The following PTH2R variants were observed in gnomAD, a reference collection of about 807,000 sequenced individuals.
PTH2R encodes parathyroid hormone 2 receptor.
A neutral mutation model predicts 60.3 loss-of-function variants in PTH2R; 59 were observed. That is an observed-to-expected ratio of 0.98 (90% confidence interval 0.79 to 1.22). The LOEUF (loss-of-function observed/expected upper bound fraction) is 1.22, where lower values mean the gene tolerates loss of function less well. PTH2R is among the 50% of genes most tolerant of loss of function. PTH2R has a pLI of 0.00. For synonymous variants in PTH2R, 256 were observed against 243.8 expected, an observed-to-expected ratio of 1.05 and a Z score of -0.47; for missense variants, 749 against 682.6, an observed-to-expected ratio of 1.10 and a Z score of -1.08.
intron 7 of PTH2R, among the ~76,000 whole-genome samples, chr2:208,445,461 G>C (rs538770570): frequency 6.6e-6 from 1 of 152,264 alleles, no homozygotes; most frequent in East Asian, 1.9e-4. Flanking sequence ...AAATGATTTA[G>C]CAGTACAAGG....
Position 208,450,925 on chromosome 2 carries a change from CA to C in PTH2R, c.914+118del. The C allele has an allele frequency of 2.6e-6, 3 of 1,145,894 alleles. No homozygotes were observed. In the South Asian group the frequency reaches 3.9e-5, roughly 15 times the overall value. The allele number at this position is 1,145,894 out of a possible 1,614,324, so 71.0% of individuals were successfully genotyped here. A position where few individuals can be genotyped will look rare whatever the true frequency, so the allele number is the denominator to read the frequency against. On this transcript the variant is annotated intron_variant, in intron 8 of 12. Coordinates refer to ENST00000272847, the MANE Select transcript of PTH2R (RefSeq NM_005048.4). The stretch of plus-strand genomic sequence containing the variant: ...ATGCCATTGCTTTTTAGGGATGCCA[CA>C]AGGAAAATTACCTTGATGCGATGGT...
chr2:208,373,302 T>C (rs1214084504), intron 1 of PTH2R, among the ~76,000 whole-genome samples: 1 of 152,110 alleles, frequency 6.6e-6, no homozygotes, highest in Non-Finnish European at 1.5e-5. Flanking sequence ...TTTTTCTTTT[T>C]GTAAATCTTT....
intron 1 of PTH2R, among the ~76,000 whole-genome samples, chr2:208,426,118 A>T (rs1042872293): frequency 1.3e-5 from 2 of 152,234 alleles, no homozygotes; most frequent in African/African-American, 4.8e-5. Context: ...TGGGTTAATT[A>T]TGAAGATTTT....
At chr2:208,407,211 C>T in intron 1 of PTH2R, 93 bp downstream of exon 1, 1 of 1,128,648 alleles carries the variant, frequency 8.9e-7, no homozygotes, top group Non-Finnish European at 1.2e-6. Context: ...CGCGAGAGCT[C>T]ATTCATGTTC....
At chr2:208,372,530 C>T (rs1700720668) in intron 1 of PTH2R, among the ~76,000 whole-genome samples, 1 of 151,970 alleles carries the variant, frequency 6.6e-6, no homozygotes, top group East Asian at 1.9e-4. Context: ...CAAGTAGGTA[C>T]ATTTTTAGAA....
chr2:208,440,043 A>T (rs1217306966), intron 4 of PTH2R, among the ~76,000 whole-genome samples: 6 of 152,238 alleles, frequency 3.9e-5, no homozygotes, highest in Admixed American at 2.6e-4. Flanking sequence ...TTGGGCAATT[A>T]TTTTGTCACA....
chr2:208,450,649 C>G (rs1204041850), intron 7 of PTH2R, 100 bp from the exon 8 acceptor site: 25 of 1,181,318 alleles, frequency 2.1e-5, no homozygotes, highest in Non-Finnish European at 2.2e-5. Context: ...ATTTTTATCT[C>G]TGAACAGCTA....
chr2:208,482,225 G>A (rs1703169048), intron 10 of PTH2R, among the ~76,000 whole-genome samples: 1 of 152,130 alleles, frequency 6.6e-6, no homozygotes, highest in South Asian at 2.1e-4. Context: ...TAGTTATTGT[G>A]GGATCTGGCC....
chr2:208,434,479 A>G (rs1176203922), intron 2 of PTH2R, among the ~76,000 whole-genome samples: 1 of 152,164 alleles, frequency 6.6e-6, no homozygotes, highest in Non-Finnish European at 1.5e-5. Flanking sequence ...GTGAAGCAGT[A>G]TCTTGCAGGG....
At chr2:208,374,043 A>T (rs1252682055) in intron 1 of PTH2R, among the ~76,000 whole-genome samples, 4 of 151,930 alleles carry the variant, frequency 2.6e-5, no homozygotes, top group Non-Finnish European at 5.9e-5. Context: ...TACTGCATAT[A>T]GGAATAGCCC....
chr2:208,363,894 T>A (rs1428883403), intron 1 of PTH2R, among the ~76,000 whole-genome samples: 1 of 152,204 alleles, frequency 6.6e-6, no homozygotes, highest in Non-Finnish European at 1.5e-5. Context: ...TTAAGTTTCA[T>A]GTAGATTCTG....
At chr2:208,448,655 C>G (rs1173699363) in intron 7 of PTH2R, among the ~76,000 whole-genome samples, 1 of 148,402 alleles carries the variant, frequency 6.7e-6, no homozygotes, top group Non-Finnish European at 1.5e-5. Flanking sequence ...GAAAATAACT[C>G]AACTTTCAGT....
chr2:208,428,219 A>G lies in PTH2R; in HGVS notation c.94A>G (p.Ile32Val), dbSNP rs1044045507. ...TCTACAGCTGGATTCTGATGGCACC[A>G]TTACTATAGAGGAGCAGATTGTCCT... ...ARAQLDSDGTITIEEQIVLVL... is the reference protein window; with the variant it reads ...ARAQLDSDGTVTIEEQIVLVL... Residue 32 changes from isoleucine to valine, a missense_variant, in exon 2 of 13, where the codon ATT (isoleucine) becomes GTT (valine). Physicochemically the swap from Ile to Val is conservative, Grantham distance 29. Coordinates refer to ENST00000272847, the MANE Select transcript of PTH2R (RefSeq NM_005048.4). 5 of 1,612,646 alleles carry G rather than the reference A, an allele frequency of 3.1e-6. No homozygotes were observed. In the South Asian group the frequency reaches 5.5e-5, roughly 18 times the overall value.
chr2:208,408,098 A>T (rs1177241825), intron 1 of PTH2R, among the ~76,000 whole-genome samples: 1 of 152,214 alleles, frequency 6.6e-6, no homozygotes, highest in Non-Finnish European at 1.5e-5. Flanking sequence ...ATTAAAACTT[A>T]AAGGGGATTT....
upstream of PTH2R, among the ~76,000 whole-genome samples, chr2:208,403,993 T>C (rs926732727): frequency 2.0e-5 from 3 of 152,144 alleles, no homozygotes; most frequent in Admixed American, 1.3e-4. Context: ...ATTCTATAGG[T>C]CAAGCAGTCA....
At chr2:208,371,726 A>G (rs1028557457) in intron 1 of PTH2R, among the ~76,000 whole-genome samples, 2 of 152,048 alleles carry the variant, frequency 1.3e-5, no homozygotes, top group Non-Finnish European at 2.9e-5. Context: ...GGGGACTTTC[A>G]CTGGATGAGA....
intron 1 of PTH2R, among the ~76,000 whole-genome samples, chr2:208,390,170 G>A (rs1450128440): frequency 6.6e-6 from 1 of 152,176 alleles, no homozygotes; most frequent in African/African-American, 2.4e-5. Flanking sequence ...CAATATCTGA[G>A]ATCTCCCAAG....
At chr2:208,428,936 T>G (rs918284578) in intron 2 of PTH2R, among the ~76,000 whole-genome samples, 3 of 151,934 alleles carry the variant, frequency 2.0e-5, no homozygotes, top group African/African-American at 7.3e-5. Flanking sequence ...AATGCAAAAA[T>G]TAGCTGGGCG....
At chr2:208,477,676 C>CA (rs534340378) in intron 9 of PTH2R, among the ~76,000 whole-genome samples, 3 of 151,786 alleles carry the variant, frequency 2.0e-5, no homozygotes, top group African/African-American at 7.3e-5. Context: ...ACCATATTTA[C>CA]AAAAAATTCA....
Sources: gnomAD v4.1 joint callset for allele counts (sites outside exome capture counted in the v4.1 genomes callset) on GRCh38, gnomAD v4.1.1 for gene constraint, MANE v1.5 for transcripts, NCBI Gene and HGNC (gene_info 2026-07-23, HGNC 2026-07-21) for gene names.